Variants in CTNND2 observed in about 807,000 individuals in gnomAD.
The protein encoded by CTNND2 is catenin delta 2, also known as catenin delta-2.
In CTNND2, 22 loss-of-function variants were observed where a neutral mutation model predicts 144.4. That is an observed-to-expected ratio of 0.15 (90% CI 0.11 to 0.22). CTNND2 has a LOEUF of 0.22. CTNND2 is among the 10% of genes least tolerant of loss of function. The probability of loss-of-function intolerance (pLI) is 1.00; values close to 1 mark genes in which losing one functional copy is unlikely to be tolerated. For synonymous variants in CTNND2, 751 were observed against 695.6 expected (o/e 1.08, Z -1.25); for missense variants, 1,353 against 1,618.8 (o/e 0.84, Z 2.82).
intron 8 of CTNND2, among the ~76,000 whole-genome samples, chr5:11,360,928 GTCTA>G (rs1756384718): frequency 2.0e-5 from 3 of 152,160 alleles, no homozygotes; most frequent in South Asian, 2.1e-4. Context: ...GAAAATAAAT[GTCTA>G]TCTATTTTGT....
chr5:11,235,658 A>G (rs899810324), intron 10 of CTNND2, among the ~76,000 whole-genome samples: 1 of 152,174 alleles, frequency 6.6e-6, no homozygotes, highest in South Asian at 2.1e-4. Context: ...ATGTCTCCAG[A>G]TATCAAATGT....
intron 2 of CTNND2, among the ~76,000 whole-genome samples, chr5:11,623,735 G>A (rs922748895): frequency 7.0e-6 from 1 of 143,832 alleles, no homozygotes; most frequent in Non-Finnish European, 1.5e-5. Flanking sequence ...AAAATACAAA[G>A]GGTATTACAC....
intron 1 of CTNND2, among the ~76,000 whole-genome samples, chr5:11,835,316 A>G (rs1794120050): frequency 6.6e-6 from 1 of 152,214 alleles, no homozygotes; most frequent in Non-Finnish European, 1.5e-5. Context: ...GTGGCCTCAT[A>G]AAATGAGTTG....
chr5:11,278,074 A>G (rs190978504), intron 9 of CTNND2, among the ~76,000 whole-genome samples: 25 of 152,232 alleles, frequency 1.6e-4, no homozygotes, highest in Admixed American at 1.5e-3. Flanking sequence ...AAAAATCCCA[A>G]TATCCCTCCA....
intron 6 of CTNND2, among the ~76,000 whole-genome samples, chr5:11,394,217 T>C (rs1244416613): frequency 6.6e-6 from 1 of 152,230 alleles, no homozygotes; most frequent in Admixed American, 6.5e-5. Flanking sequence ...ATTTGCTGTG[T>C]TGATTTTCTG....
At chr5:11,560,101 A>T (rs1389937328) in intron 3 of CTNND2, among the ~76,000 whole-genome samples, 2 of 152,228 alleles carry the variant, frequency 1.3e-5, no homozygotes, top group Non-Finnish European at 2.9e-5. Context: ...ATGACACTTA[A>T]CTGAAAGGGT....
At chr5:11,323,067 C>A (rs1157689177) in intron 9 of CTNND2, among the ~76,000 whole-genome samples, 2 of 152,140 alleles carry the variant, frequency 1.3e-5, no homozygotes, top group Non-Finnish European at 2.9e-5. Context: ...GAGTCAGGAT[C>A]TTGCTGTCTT....
chr5:11,142,519 T>G (rs1756832423), intron 12 of CTNND2, among the ~76,000 whole-genome samples: 1 of 152,204 alleles, frequency 6.6e-6, no homozygotes, highest in Admixed American at 6.5e-5. Flanking sequence ...GGTCCTCATT[T>G]TTATAGTTCA....
intron 2 of CTNND2, among the ~76,000 whole-genome samples, chr5:11,623,765 CAAG>C (rs1346350674): frequency 2.3e-5 from 3 of 132,210 alleles, no homozygotes; most frequent in East Asian, 2.2e-4. Context: ...GGGTTCAATT[CAAG>C]AAGAAGACCT....
chr5:11,198,773 C>T (rs565874535), intron 11 of CTNND2, among the ~76,000 whole-genome samples: 1 of 152,172 alleles, frequency 6.6e-6, no homozygotes, highest in Non-Finnish European at 1.5e-5. Flanking sequence ...CCAAGTAACA[C>T]TGCACATTTT....
intron 3 of CTNND2, among the ~76,000 whole-genome samples, chr5:11,468,336 C>T (rs1016277471): frequency 2.6e-5 from 4 of 152,182 alleles, no homozygotes; most frequent in Non-Finnish European, 4.4e-5. Flanking sequence ...AATTTGTAAT[C>T]ATAAAACAGA....
intron 9 of CTNND2, among the ~76,000 whole-genome samples, chr5:11,297,211 T>C (rs953377083): frequency 1.3e-5 from 2 of 152,212 alleles, no homozygotes; most frequent in African/African-American, 4.8e-5. Context: ...AAAAAGTTCA[T>C]TGCTATATTT....
At chr5:11,092,826 C>A (rs1030980181) in intron 15 of CTNND2, among the ~76,000 whole-genome samples, 9 of 152,190 alleles carry the variant, frequency 5.9e-5, no homozygotes, top group African/African-American at 1.9e-4. Context: ...TTGTCTTAGA[C>A]AATAAACCAT....
At chr5:11,599,688 G>A (rs1042605573) in intron 2 of CTNND2, among the ~76,000 whole-genome samples, 1 of 152,146 alleles carries the variant, frequency 6.6e-6, no homozygotes, top group Non-Finnish European at 1.5e-5. Context: ...ATTTATACCC[G>A]TGAGTACAAT....
chr5:11,227,041 C>T (rs1339995886), intron 10 of CTNND2, among the ~76,000 whole-genome samples: 1 of 152,186 alleles, frequency 6.6e-6, no homozygotes, highest in Admixed American at 6.5e-5. Context: ...TAAACAGTGG[C>T]TTAGCACAGA....
At chr5:11,389,990 T>C (rs1471069241) in intron 6 of CTNND2, among the ~76,000 whole-genome samples, 1 of 152,216 alleles carries the variant, frequency 6.6e-6, no homozygotes, top group Non-Finnish European at 1.5e-5. Flanking sequence ...AGAAATCTCA[T>C]TATGGATACG....
chr5:11,476,811 G>T (rs1294308565), intron 3 of CTNND2, among the ~76,000 whole-genome samples: 1 of 152,162 alleles, frequency 6.6e-6, no homozygotes, highest in Non-Finnish European at 1.5e-5. Flanking sequence ...CTTGACAGCG[G>T]CATACTGTTG....
intron 20 of CTNND2, among the ~76,000 whole-genome samples, chr5:10,987,692 C>T (rs1400746990): frequency 9.2e-6 from 1 of 108,748 alleles, no homozygotes; most frequent in Non-Finnish European, 1.9e-5. Flanking sequence ...CACTCTATTC[C>T]CCTCCCCACC....
intron 1 of CTNND2, among the ~76,000 whole-genome samples, chr5:11,842,943 A>G (rs1026779151): frequency 3.9e-5 from 6 of 152,188 alleles, no homozygotes; most frequent in Admixed American, 2.6e-4. Context: ...GAACAGGTAC[A>G]GCAGTTTTTT....
Sources: allele counts gnomAD v4.1 joint callset (sites outside exome capture counted in the v4.1 genomes callset), GRCh38; gene constraint gnomAD v4.1.1; transcripts MANE v1.5; gene names NCBI Gene and HGNC (gene_info 2026-07-23, HGNC 2026-07-21).